KIRREL1: variants seen among roughly 807,000 people sequenced by gnomAD.
KIRREL1 encodes the protein kirre like nephrin family adhesion molecule 1.
In KIRREL1, 25 loss-of-function variants were observed where a neutral mutation model predicts 83.3. The ratio of observed to expected loss-of-function variants is 0.30; its 90% CI spans 0.22 to 0.42. The LOEUF (loss-of-function observed/expected upper bound fraction) is 0.42. Among genes scored for constraint, KIRREL1 ranks in the 10% least tolerant of loss-of-function variants. The pLI, the probability that KIRREL1 is intolerant of heterozygous loss-of-function variation, is 1.00. For missense variants in KIRREL1, 812 were observed against 1,032.3 expected, an observed-to-expected ratio of 0.79 and a Z score of 2.92; for synonymous variants, 388 against 410.4, an observed-to-expected ratio of 0.95 and a Z score of 0.66.
At chr1:158,030,384 C>A (rs1660290572) in intron 1 of KIRREL1, among the ~76,000 whole-genome samples, 1 of 152,214 alleles carries the variant, frequency 6.6e-6, no homozygotes, top group Non-Finnish European at 1.5e-5. Context: ...AAAGTCTAAA[C>A]CATCCCAATA....
intron 1 of KIRREL1, among the ~76,000 whole-genome samples, chr1:158,000,013 G>A (rs188508790): frequency 2.1e-3 from 322 of 150,566 alleles, no homozygotes; most frequent in Admixed American, 6.1e-3. Context: ...TGTCCAAGAT[G>A]ATCCAGCTAG....
chr1:158,010,451 A>ACACACG (rs1659652442), intron 1 of KIRREL1, among the ~76,000 whole-genome samples: 1 of 148,844 alleles, frequency 6.7e-6, no homozygotes, highest in African/African-American at 2.5e-5. Flanking sequence ...ACACACACAC[A>ACACACG]CACACACACT....
At chr1:158,051,435 A>C (rs1660907148) in intron 1 of KIRREL1, among the ~76,000 whole-genome samples, 1 of 152,220 alleles carries the variant, frequency 6.6e-6, no homozygotes, top group African/African-American at 2.4e-5. Flanking sequence ...TTATTGAAAT[A>C]ATAACAGTGG....
chr1:157,997,846 G>A (rs1292293489), intron 1 of KIRREL1, among the ~76,000 whole-genome samples: 1 of 152,164 alleles, frequency 6.6e-6, no homozygotes, highest in Non-Finnish European at 1.5e-5. Context: ...GATTGGCTGT[G>A]TAAATTATCC....
chr1:158,079,855 C>CT (rs1404828157), intron 3 of KIRREL1, among the ~76,000 whole-genome samples: 1 of 152,174 alleles, frequency 6.6e-6, no homozygotes, highest in African/African-American at 2.4e-5. Context: ...TTCATGGAGA[C>CT]TTGTAAACTG....
chr1:158,078,204 C>T, intron 3 of KIRREL1, 64 bp downstream of exon 3: 5 of 1,528,662 alleles, frequency 3.3e-6, no homozygotes, highest in Non-Finnish European at 4.5e-6. Context: ...GCAGTCTCTC[C>T]CACTCTCCAG....
At chr1:158,021,186 G>A (rs1056445956) in intron 1 of KIRREL1, among the ~76,000 whole-genome samples, 9 of 152,068 alleles carry the variant, frequency 5.9e-5, no homozygotes, top group African/African-American at 1.9e-4. Flanking sequence ...TTTTTTCTTG[G>A]TGGAATCATA....
rs547808540 is a variant in KIRREL1 at position 158,030,217 on chromosome 1, G to A, written c.52+36489G>A. On this transcript the variant is annotated intron_variant, in intron 1 of 14. Coordinates refer to ENST00000359209, the MANE Select transcript of KIRREL1 (RefSeq NM_018240.7). ...TGTTTCACACTAGAAGATGTGGTCA[G>A]AGATGGACCCCAGGCTGCTGAATTT... 4.6e-5 allele frequency among the ~76,000 whole-genome samples: 7 copies of A among 152,296 alleles called. No homozygotes were observed. In the South Asian group the frequency reaches 8.3e-4, roughly 18 times the overall value.
chr1:158,051,077 C>T (rs1208144279), intron 1 of KIRREL1, among the ~76,000 whole-genome samples: 3 of 152,196 alleles, frequency 2.0e-5, no homozygotes, highest in Non-Finnish European at 4.4e-5. Context: ...CGAAGTTCCC[C>T]TCCTCATACT....
intron 1 of KIRREL1, among the ~76,000 whole-genome samples, chr1:158,015,628 A>G (rs1324507336): frequency 6.6e-6 from 1 of 152,122 alleles, no homozygotes; most frequent in Non-Finnish European, 1.5e-5. Flanking sequence ...CACAGGAGAA[A>G]GTTCCAGAGC....
rs113267679 is a variant in KIRREL1, at chr1:158,089,906, C to T, written c.1272+88C>T. 3,391 of 1,108,386 alleles carry T rather than the reference C, an allele frequency of 3.1e-3. 62 individuals carry two copies. In the African/African-American group the frequency reaches 0.045, roughly 15 times the overall value. The allele number at this position is 1,108,386 out of a possible 1,614,324, so 68.7% of individuals were successfully genotyped here. On this transcript the variant is annotated intron_variant, in intron 10 of 14. Coordinates refer to ENST00000359209, the MANE Select transcript of KIRREL1 (RefSeq NM_018240.7). ...CCTCTCACTTCTGCTGGTTTTGCTC[C>T]TTCAACTTCCCTGTCCCGTTTCCAT...
chr1:158,043,689 TC>T (rs1660701820), intron 1 of KIRREL1, among the ~76,000 whole-genome samples: 2 of 152,176 alleles, frequency 1.3e-5, no homozygotes, highest in Admixed American at 1.3e-4. Context: ...GCCTCTGCTT[TC>T]TTGGGCCCCT....
intron 1 of KIRREL1, among the ~76,000 whole-genome samples, chr1:158,072,273 C>T (rs1661537142): frequency 6.6e-6 from 1 of 152,106 alleles, no homozygotes; most frequent in Non-Finnish European, 1.5e-5. Context: ...TGCTCTGCCT[C>T]CTTTTCTGGA....
intron 1 of KIRREL1, among the ~76,000 whole-genome samples, chr1:158,038,758 T>C (rs974331082): frequency 6.6e-6 from 1 of 152,244 alleles, no homozygotes; most frequent in Non-Finnish European, 1.5e-5. Context: ...TGAAAAATTC[T>C]GTGTCATGTC....
At chr1:157,996,252 T>C (rs1557982189) in intron 1 of KIRREL1, among the ~76,000 whole-genome samples, 1 of 152,154 alleles carries the variant, frequency 6.6e-6, no homozygotes, top group Non-Finnish European at 1.5e-5. Flanking sequence ...GTATCTTATC[T>C]AAATGAAAAC....
intron 1 of KIRREL1, among the ~76,000 whole-genome samples, chr1:158,056,104 G>T (rs1011276392): frequency 6.6e-6 from 1 of 152,164 alleles, no homozygotes; most frequent in Admixed American, 6.5e-5. Flanking sequence ...CCCTGCCAGG[G>T]ATACACTCCT....
chr1:158,005,640 C>T (rs1659495989), intron 1 of KIRREL1, among the ~76,000 whole-genome samples: 1 of 151,968 alleles, frequency 6.6e-6, no homozygotes, highest in Admixed American at 6.6e-5. Context: ...TGGGCCTTGA[C>T]CCTGTTGGCT....
chr1:158,041,202 C>G (rs571075656), intron 1 of KIRREL1, among the ~76,000 whole-genome samples: 1 of 152,150 alleles, frequency 6.6e-6, no homozygotes, highest in East Asian at 1.9e-4. Flanking sequence ...AGAACAGGTC[C>G]TGTAGAGGCC....
At chr1:158,077,880 C>G (rs1157573603) in intron 2 of KIRREL1, 111 bp from the exon 3 acceptor site, 1 of 1,264,784 alleles carries the variant, frequency 7.9e-7, no homozygotes, top group Middle Eastern at 2.0e-4. Flanking sequence ...GCCTCACCTT[C>G]TCACCTGTCA....
Sources: allele counts gnomAD v4.1 joint callset (sites outside exome capture counted in the v4.1 genomes callset), GRCh38; gene constraint gnomAD v4.1.1; transcripts MANE v1.5; gene names NCBI Gene and HGNC (gene_info 2026-07-23, HGNC 2026-07-21).